The following CNTNAP5 variants were observed in gnomAD, a reference collection of about 807,000 sequenced individuals.
CNTNAP5 encodes the protein contactin-associated protein-like 5.
In CNTNAP5, 72 loss-of-function variants were observed where a neutral mutation model predicts 150.2. The observed-to-expected ratio is 0.48, with a 90% CI of 0.40 to 0.58. CNTNAP5 has a LOEUF of 0.58. Ranked by LOEUF, CNTNAP5 falls within the 20% of genes least tolerant of loss-of-function variation. The probability of loss-of-function intolerance (pLI) is 0.00; values close to 1 mark genes in which losing one functional copy is unlikely to be tolerated. For missense variants in CNTNAP5, 1,636 were observed against 1,626.2 expected (o/e 1.01, Z -0.10); for synonymous variants, 672 against 619.8 (o/e 1.08, Z -1.25).
At chr2:124,369,126 G>GGGTA (rs1690452771) in intron 3 of CNTNAP5, among the ~76,000 whole-genome samples, 1 of 152,138 alleles carries the variant, frequency 6.6e-6, no homozygotes, top group Admixed American at 6.5e-5. Flanking sequence ...TTACAGCTCT[G>GGGTA]GGTAGTGTTA....
chr2:124,127,705 AAC>A (rs1463288364), intron 1 of CNTNAP5, among the ~76,000 whole-genome samples: 1 of 152,204 alleles, frequency 6.6e-6, no homozygotes, highest in Non-Finnish European at 1.5e-5. Context: ...CTGGTACCAA[AAC>A]AGAGATATAG....
At chr2:124,620,991 G>A (rs1357126826) in intron 12 of CNTNAP5, among the ~76,000 whole-genome samples, 3 of 152,076 alleles carry the variant, frequency 2.0e-5, no homozygotes, top group Non-Finnish European at 4.4e-5. Flanking sequence ...AGATTTCAGA[G>A]GCTCTTGGAG....
chr2:124,544,072 T>G (rs555568499), intron 10 of CNTNAP5, among the ~76,000 whole-genome samples: 2 of 152,144 alleles, frequency 1.3e-5, no homozygotes, highest in South Asian at 4.2e-4. Context: ...GAAATTACTT[T>G]CCCAAGATTA....
intron 1 of CNTNAP5, among the ~76,000 whole-genome samples, chr2:124,215,423 T>C (rs1324281345): frequency 1.3e-5 from 2 of 151,462 alleles, no homozygotes; most frequent in Admixed American, 1.3e-4. Context: ...GTAGATATCA[T>C]ATTTACTTGG....
intron 6 of CNTNAP5, among the ~76,000 whole-genome samples, chr2:124,465,661 C>A (rs151181980): frequency 1.3e-5 from 2 of 152,248 alleles, no homozygotes; most frequent in African/African-American, 4.8e-5. Context: ...AGGTATTCCA[C>A]AAACATTCAA....
At chr2:124,191,864 A>G (rs1368333264) in intron 1 of CNTNAP5, among the ~76,000 whole-genome samples, 1 of 151,768 alleles carries the variant, frequency 6.6e-6, no homozygotes, top group Non-Finnish European at 1.5e-5. Context: ...GTGCCACTGC[A>G]CTCCAGCCTG....
chr2:124,168,408 G>A (rs1224177691), intron 1 of CNTNAP5, among the ~76,000 whole-genome samples: 1 of 152,212 alleles, frequency 6.6e-6, no homozygotes, highest in Non-Finnish European at 1.5e-5. Context: ...TAGTTTGGCA[G>A]TGATAGTGGC....
chr2:124,301,401 C>CA (rs141581221), intron 3 of CNTNAP5, among the ~76,000 whole-genome samples: 22 of 152,292 alleles, frequency 1.4e-4, no homozygotes, highest in Non-Finnish European at 3.1e-4. Context: ...CAAGCAGGGA[C>CA]ATAAGAAGGC....
intron 10 of CNTNAP5, among the ~76,000 whole-genome samples, chr2:124,548,241 G>A (rs1025556502): frequency 6.6e-6 from 1 of 152,174 alleles, no homozygotes; most frequent in Non-Finnish European, 1.5e-5. Flanking sequence ...TCTAGAACAG[G>A]CACGATGTCA....
chr2:124,803,885 G>T (rs1266413246), intron 19 of CNTNAP5, among the ~76,000 whole-genome samples: 1 of 152,082 alleles, frequency 6.6e-6, no homozygotes, highest in Non-Finnish European at 1.5e-5. Flanking sequence ...AAAGTGTAAT[G>T]CTGCCTCCAC....
intron 13 of CNTNAP5, among the ~76,000 whole-genome samples, chr2:124,735,265 G>A (rs553762414): frequency 1.3e-5 from 2 of 152,180 alleles, no homozygotes; most frequent in African/African-American, 4.8e-5. Context: ...GCTATACTTT[G>A]AGAGATGCTG....
intron 13 of CNTNAP5, among the ~76,000 whole-genome samples, chr2:124,681,626 C>T (rs895859006): frequency 1.3e-5 from 2 of 152,178 alleles, no homozygotes; most frequent in African/African-American, 4.8e-5. Context: ...TGCAGTGCTA[C>T]GATCTCTGCT....
intron 8 of CNTNAP5, among the ~76,000 whole-genome samples, chr2:124,521,797 C>T (rs1038681501): frequency 2.6e-5 from 4 of 152,136 alleles, no homozygotes; most frequent in African/African-American, 9.7e-5. Flanking sequence ...AAAGGACTTA[C>T]AATTGACTGT....
chr2:124,241,943 T>A (rs1304409287), intron 2 of CNTNAP5, among the ~76,000 whole-genome samples: 1 of 152,034 alleles, frequency 6.6e-6, no homozygotes, highest in Non-Finnish European at 1.5e-5. Flanking sequence ...ATAGAAGTCA[T>A]AATGACTAAG....
intron 19 of CNTNAP5, among the ~76,000 whole-genome samples, chr2:124,827,960 GGTAGA>G (rs1358463653): frequency 5.3e-5 from 8 of 152,180 alleles, no homozygotes; most frequent in African/African-American, 1.2e-4. Flanking sequence ...TGGGTAAACT[GGTAGA>G]GTAAATTGTT....
At chr2:124,763,616 A>G (rs1376924984) in intron 14 of CNTNAP5, 56 bp from the exon 15 acceptor site, 44 of 1,544,358 alleles carry the variant, frequency 2.8e-5, no homozygotes, top group Middle Eastern at 1.7e-4. Flanking sequence ...CATGGAAAAG[A>G]GTCCCTAGAT....
chr2:124,567,862 T>G (rs113703197), intron 11 of CNTNAP5, among the ~76,000 whole-genome samples: 2 of 128,046 alleles, frequency 1.6e-5, no homozygotes, highest in Non-Finnish European at 1.7e-5. Context: ...GATAGATAGA[T>G]AGATAGATAG....
chr2:124,362,296 G>A (rs1022058630), intron 3 of CNTNAP5, among the ~76,000 whole-genome samples: 12 of 152,150 alleles, frequency 7.9e-5, no homozygotes, highest in Non-Finnish European at 1.6e-4. Flanking sequence ...GGGAGCTGTA[G>A]ACCGGAGCTA....
chr2:124,742,245 C>A (rs1680511216), intron 13 of CNTNAP5, among the ~76,000 whole-genome samples: 1 of 152,098 alleles, frequency 6.6e-6, no homozygotes, highest in African/African-American at 2.4e-5. Context: ...AAACTTTTTT[C>A]TTTTAATTTG....
Sources: gnomAD v4.1 joint callset for allele counts (sites outside exome capture counted in the v4.1 genomes callset) on GRCh38, gnomAD v4.1.1 for gene constraint, MANE v1.5 for transcripts, NCBI Gene and HGNC (gene_info 2026-07-23, HGNC 2026-07-21) for gene names.